The following CCDC102A variants were observed in gnomAD, a reference collection of about 807,000 sequenced individuals.
The protein encoded by CCDC102A is coiled-coil domain-containing protein 102A.
A neutral mutation model predicts 55.5 loss-of-function variants in CCDC102A; 40 were observed. The observed-to-expected ratio is 0.72, with a 90% CI of 0.56 to 0.94. The LOEUF is 0.94. Ranked by LOEUF, CCDC102A falls within the 40% of genes least tolerant of loss-of-function variation. The pLI is 0.00. For missense variants in CCDC102A, 779 were observed against 768.6 expected, an observed-to-expected ratio of 1.01 and a Z score of -0.16; for synonymous variants, 323 against 339.0, an observed-to-expected ratio of 0.95 and a Z score of 0.52.
intron 3 of CCDC102A, among the ~76,000 whole-genome samples, chr16:57,523,479 T>TA (rs1443239604): frequency 5.9e-5 from 9 of 151,432 alleles, no homozygotes; most frequent in Admixed American, 3.3e-4. Context: ...TATAGTGATT[T>TA]TTTTTTTTTT....
At chr16:57,518,775 C>A (rs1227437905) in intron 4 of CCDC102A, 34 bp from the exon 5 acceptor site, 5 of 1,531,454 alleles carry the variant, frequency 3.3e-6, no homozygotes, top group Non-Finnish European at 4.5e-6. Context: ...GTCATGAGAA[C>A]CACCAGGATA....
chr16:57,515,844 C>G (rs1365163185), intron 7 of CCDC102A, among the ~76,000 whole-genome samples: 2 of 151,364 alleles, frequency 1.3e-5, no homozygotes, highest in African/African-American at 4.9e-5. Context: ...TTCCTGCTCT[C>G]CCGGACACAC....
chr16:57,533,471 T>G (rs1281115346), intron 1 of CCDC102A, among the ~76,000 whole-genome samples: 1 of 145,902 alleles, frequency 6.9e-6, no homozygotes, highest in Non-Finnish European at 1.5e-5. Flanking sequence ...GCCCCAGTAA[T>G]GCACACATTC....
At position 57,526,095 on chromosome 16, in the gene CCDC102A, G is replaced by T. The variant is rs751456094; in HGVS notation, c.618C>A (p.Ser206Arg). 1.3e-6 allele frequency: 2 copies of T among 1,567,432 alleles called. No individual in the cohort carries two copies. Among genetic ancestry groups the T allele is most frequent in the East Asian group, 2.3e-5 (1 of 43,740 alleles). ...AGCAGTCCTCAGACTCCTCTGGCAT[G>T]CTCTTCAGCAGGCTCTCCACCAGCT... ...ELELVESLLK[S>R]MPEESEDCWE... The change falls in exon 3 of 9, where the codon AGC becomes AGA. Residue 206 changes from serine to arginine, a missense_variant. Ser to Arg is a moderately radical substitution (Grantham distance 110). Coordinates refer to ENST00000258214, the MANE Select transcript of CCDC102A (RefSeq NM_033212.4).
At chr16:57,518,921 C>T (rs1007902549) in intron 4 of CCDC102A, among the ~76,000 whole-genome samples, 180 bp from the exon 5 acceptor site, 13 of 152,188 alleles carry the variant, frequency 8.5e-5, no homozygotes, top group Non-Finnish European at 1.6e-4. Flanking sequence ...CTCCCAATGT[C>T]TCTCCTCCTC....
chr16:57,520,687 T>TC (rs1328019034), intron 4 of CCDC102A, among the ~76,000 whole-genome samples: 1 of 151,840 alleles, frequency 6.6e-6, no homozygotes, highest in Non-Finnish European at 1.5e-5. Flanking sequence ...ACACCTGTAA[T>TC]CCCAGCACTT....
rs747719231 is a variant in CCDC102A, at chr16:57,516,495, G to A, written c.1249-32C>T. ...GGCACAGGGATGGGGTGGGAGGGAG[G>A]AGGGAATCAGTATCAGCTTGGGCGC... On this transcript the variant is annotated intron_variant, in intron 6 of 8. Coordinates refer to ENST00000258214, the MANE Select transcript of CCDC102A (RefSeq NM_033212.4). This position sits in a 1 kb window ranked among gnomAD's most constrained non-coding sequence, Gnocchi z 4.4. The A allele has an allele frequency of 8.2e-6, 13 of 1,588,036 alleles. No homozygotes were observed. In the African/African-American group the frequency reaches 1.3e-4, roughly 16 times the overall value.
chr16:57,517,083 A>G (rs2031968534), intron 6 of CCDC102A, among the ~76,000 whole-genome samples: 1 of 151,918 alleles, frequency 6.6e-6, no homozygotes, highest in Non-Finnish European at 1.5e-5. Context: ...GCTTCCCCCC[A>G]GCCTGTCTTC....
At chr16:57,531,439 A>G (rs1200980876) in intron 1 of CCDC102A, among the ~76,000 whole-genome samples, 1 of 151,966 alleles carries the variant, frequency 6.6e-6, no homozygotes, top group Non-Finnish European at 1.5e-5. Context: ...CTAACCTGTC[A>G]GGGTCCACAC....
At chr16:57,512,963 C>G (rs577495795) in intron 8 of CCDC102A, 93 bp from the exon 9 acceptor site, 1 of 1,059,714 alleles carries the variant, frequency 9.4e-7, no homozygotes, top group East Asian at 2.4e-5. Flanking sequence ...TTAAGCCTTC[C>G]CTGGTGCTTT....
intron 4 of CCDC102A, among the ~76,000 whole-genome samples, chr16:57,519,257 A>C (rs981103581): frequency 6.6e-6 from 1 of 152,164 alleles, no homozygotes; most frequent in Non-Finnish European, 1.5e-5. Context: ...TTTCTGAGAC[A>C]CTTCTTAGGA....
chr16:57,532,698 GACACACAC>G (rs10535195), intron 1 of CCDC102A, among the ~76,000 whole-genome samples: 11,039 of 148,212 alleles, frequency 0.074, 475 homozygotes, highest in East Asian at 0.14. Flanking sequence ...AAGTGAAGCA[GACACACAC>G]ACACACACAC....
intron 4 of CCDC102A, among the ~76,000 whole-genome samples, chr16:57,519,601 C>G (rs1355150787): frequency 6.6e-6 from 1 of 152,230 alleles, no homozygotes; most frequent in African/African-American, 2.4e-5. Context: ...GAGTTTTCAA[C>G]ACATAATGTT....
Position 57,516,467 on chromosome 16 carries a change from C to T in CCDC102A, c.1249-4G>A. ...CATGCTTCAGGTCTGCCAGCTCCTA[C>T]AGGGCACAGGGATGGGGTGGGAGGG... On this transcript the variant is annotated splice_region_variant and splice_polypyrimidine_tract_variant and intron_variant, in intron 6 of 8. Transcript: ENST00000258214. The surrounding 1 kb of genome is among the most constrained non-coding windows in gnomAD (Gnocchi z 4.4). 6.2e-7 allele frequency: 1 copy of T among 1,605,360 alleles called. No homozygotes were observed. Among genetic ancestry groups the T allele is most frequent in the African/African-American group, 1.3e-5 (1 of 75,050 alleles).
chr16:57,522,645 G>A (rs1292712069), intron 3 of CCDC102A, among the ~76,000 whole-genome samples: 1 of 152,240 alleles, frequency 6.6e-6, no homozygotes, highest in African/African-American at 2.4e-5. Context: ...GAGTTGCTAA[G>A]TCTGCACACC....
chr16:57,513,002 T>A, intron 8 of CCDC102A, 132 bp from the exon 9 acceptor site: 1 of 684,118 alleles, frequency 1.5e-6, no homozygotes, highest in Non-Finnish European at 2.4e-6. Flanking sequence ...TGTAATCTCC[T>A]TATATGATAG....
Position 57,516,244 on chromosome 16 carries a change from C to T in CCDC102A, c.1419+49G>A. The T allele has an allele frequency of 6.3e-7, 1 of 1,576,514 alleles. No individual in the cohort carries two copies. Among genetic ancestry groups the T allele is most frequent in the South Asian group, 1.1e-5 (1 of 89,636 alleles). On this transcript the variant is annotated intron_variant, in intron 7 of 8. Coordinates refer to ENST00000258214, the MANE Select transcript of CCDC102A (RefSeq NM_033212.4). This position sits in a 1 kb window ranked among gnomAD's most constrained non-coding sequence, Gnocchi z 4.4. Reference sequence around the variant, plus strand: ...CCAGGATGGCCCTGCGGCCCCCACTCCTCCCTGGCCAAGGTCTGTTGCTGC... The same window carrying T: ...CCAGGATGGCCCTGCGGCCCCCACTTCTCCCTGGCCAAGGTCTGTTGCTGC...
chr16:57,520,583 TAACATAACATAAATA>T (rs1329617753), intron 4 of CCDC102A, among the ~76,000 whole-genome samples: 8 of 129,128 alleles, frequency 6.2e-5, no homozygotes, highest in African/African-American at 2.3e-4. Flanking sequence ...TAACATAACA[TAACATAACATAAATA>T]AAATAAAATA....
In CCDC102A at chr16:57,522,964, C is replaced by G. The variant is rs1237263862; in HGVS notation, c.813-1788G>C. Among the ~76,000 whole-genome samples the G allele has an allele frequency of 2.6e-5, 4 of 152,284 alleles. No homozygotes were observed. In the East Asian group the frequency reaches 7.7e-4, roughly 29 times the overall value. ...GGTGGGCTCCCTGAGCTCAGGAGTT[C>G]GAGAGCAGCCTGGGCAACATGGTGA... On this transcript the variant is annotated intron_variant, in intron 3 of 8. Transcript: ENST00000258214.
Sources: allele counts gnomAD v4.1 joint callset (sites outside exome capture counted in the v4.1 genomes callset), GRCh38; gene constraint gnomAD v4.1.1; non-coding constraint Gnocchi (gnomAD v3.1); transcripts MANE v1.5; gene names NCBI Gene and HGNC (gene_info 2026-07-23, HGNC 2026-07-21).